Variants in LAPTM4B observed in about 807,000 individuals in gnomAD.
LAPTM4B encodes lysosomal protein transmembrane 4 beta.
In LAPTM4B, 26 loss-of-function variants were observed where a neutral mutation model predicts 28.5. That is an observed-to-expected ratio of 0.91 (90% CI 0.67 to 1.27). LAPTM4B has a LOEUF of 1.27. Among genes scored for constraint, LAPTM4B ranks in the 50% most tolerant of loss-of-function variants. LAPTM4B has a pLI of 0.00. For synonymous variants in LAPTM4B, 109 were observed against 106.4 expected (o/e 1.02, Z -0.15); for missense variants, 288 against 285.8 (o/e 1.01, Z -0.06).
At chr8:97,843,780 C>CAAATAAATAAAT (rs150370509) in intron 6 of LAPTM4B, among the ~76,000 whole-genome samples, 2,855 of 148,972 alleles carry the variant, frequency 0.019, 69 homozygotes, top group Admixed American at 0.053. Flanking sequence ...AACTCCATCT[C>CAAATAAATAAAT]AAATAAATAA....
At chr8:97,825,186 G>A (rs772808127) in intron 6 of LAPTM4B, 33 bp downstream of exon 6, 21 of 1,151,430 alleles carry the variant, frequency 1.8e-5, no homozygotes, top group Non-Finnish European at 2.8e-5. Flanking sequence ...TAGAGATCTC[G>A]CCCACACCTT....
At chr8:97,815,878 A>G (rs1046427120) in intron 3 of LAPTM4B, among the ~76,000 whole-genome samples, 180 bp from the exon 4 acceptor site, 4 of 152,172 alleles carry the variant, frequency 2.6e-5, no homozygotes, top group African/African-American at 9.6e-5. Context: ...AGTCCTGGAA[A>G]TGTTCACTGA....
At position 97,837,647 on chromosome 8, in the gene LAPTM4B, C is replaced by T. The variant is rs532089945; in HGVS notation, c.603+12494C>T. ...ACTAGGTTGGCTATTAATTTAGCAT[C>T]CTTTTCAGTCCTGTACGCACCAAAT... On this transcript the variant is annotated intron_variant, in intron 6 of 6. Coordinates refer to ENST00000521545, the MANE Select transcript of LAPTM4B (RefSeq NM_018407.6). Among the ~76,000 whole-genome samples the T allele has an allele frequency of 3.3e-5, 5 of 152,172 alleles. No individual in the cohort carries two copies. In the South Asian group the frequency reaches 6.2e-4, roughly 19 times the overall value.
At chr8:97,809,957 C>T (rs895308494) in intron 2 of LAPTM4B, among the ~76,000 whole-genome samples, 1 of 152,096 alleles carries the variant, frequency 6.6e-6, no homozygotes, top group African/African-American at 2.4e-5. Context: ...GGCTGGGTCC[C>T]ACTCTGTCAC....
intron 1 of LAPTM4B, among the ~76,000 whole-genome samples, chr8:97,785,210 C>G (rs760357011): frequency 6.6e-6 from 1 of 151,920 alleles, no homozygotes. Context: ...CTCAGCCTCC[C>G]GAGTACATGG....
chr8:97,784,992 A>C (rs1816378627), intron 1 of LAPTM4B, among the ~76,000 whole-genome samples: 1 of 152,214 alleles, frequency 6.6e-6, no homozygotes, highest in Non-Finnish European at 1.5e-5. Flanking sequence ...TTTAAAGTAC[A>C]GGTTTCCCCT....
chr8:97,814,957 G>T (rs1256708323), intron 2 of LAPTM4B, among the ~76,000 whole-genome samples: 3 of 152,160 alleles, frequency 2.0e-5, no homozygotes, highest in Non-Finnish European at 2.9e-5. Flanking sequence ...CTCCCAAAGT[G>T]TTGGGATTAT....
intron 1 of LAPTM4B, among the ~76,000 whole-genome samples, chr8:97,779,641 C>T (rs1427724178): frequency 1.3e-5 from 2 of 150,948 alleles, no homozygotes; most frequent in East Asian, 2.0e-4. Flanking sequence ...AAAAATTATT[C>T]GGTCGTGGTG....
chr8:97,849,674 A>G (rs1399217597), intron 6 of LAPTM4B, among the ~76,000 whole-genome samples: 1 of 152,196 alleles, frequency 6.6e-6, no homozygotes, highest in Non-Finnish European at 1.5e-5. Context: ...GGCTTCTTGC[A>G]TCACAGCTCC....
intron 2 of LAPTM4B, among the ~76,000 whole-genome samples, chr8:97,814,131 G>C (rs1313204530): frequency 6.6e-6 from 1 of 152,138 alleles, no homozygotes; most frequent in East Asian, 1.9e-4. Flanking sequence ...AATTGAAGCT[G>C]CAATGAGCCA....
intron 6 of LAPTM4B, among the ~76,000 whole-genome samples, chr8:97,830,732 A>T (rs1235221167): frequency 6.6e-6 from 1 of 152,080 alleles, no homozygotes; most frequent in Non-Finnish European, 1.5e-5. Flanking sequence ...TGCTGTAAAC[A>T]ACCTGGTAGG....
intron 4 of LAPTM4B, among the ~76,000 whole-genome samples, chr8:97,817,075 A>C (rs1816929606): frequency 6.6e-6 from 1 of 152,194 alleles, no homozygotes; most frequent in South Asian, 2.1e-4. Flanking sequence ...GTCCTTTGTG[A>C]CCATATGAGT....
chr8:97,813,083 A>G (rs1363675117), intron 2 of LAPTM4B, among the ~76,000 whole-genome samples: 1 of 152,224 alleles, frequency 6.6e-6, no homozygotes, highest in Non-Finnish European at 1.5e-5. Context: ...ATATTTAAGG[A>G]AGTTTATTAA....
intron 6 of LAPTM4B, among the ~76,000 whole-genome samples, chr8:97,838,530 G>A (rs913346239): frequency 2.6e-5 from 4 of 152,198 alleles, no homozygotes; most frequent in African/African-American, 9.6e-5. Flanking sequence ...AGGAAACTGA[G>A]GCACCAAGAG....
intron 2 of LAPTM4B, among the ~76,000 whole-genome samples, chr8:97,814,406 G>A (rs1308863970): frequency 6.6e-6 from 1 of 152,094 alleles, no homozygotes; most frequent in African/African-American, 2.4e-5. Flanking sequence ...CCTAGGGGGT[G>A]AGGTGGGAGA....
chr8:97,787,233 A>C (rs1049043173), intron 1 of LAPTM4B, among the ~76,000 whole-genome samples: 4 of 151,918 alleles, frequency 2.6e-5, no homozygotes, highest in Non-Finnish European at 4.4e-5. Context: ...CATCCCAGTA[A>C]CCAAAAACAA....
chr8:97,775,942 G>C lies in LAPTM4B; in HGVS notation c.-68G>C. 6.7e-7 allele frequency: 1 copy of C among 1,482,864 alleles called. No individual in the cohort carries two copies. Among genetic ancestry groups the C allele is most frequent in the Non-Finnish European group, 8.9e-7 (1 of 1,125,824 alleles). 91.9% of individuals were successfully genotyped at this position (1,482,864 alleles called of 1,614,324 possible). On this transcript the variant is annotated 5_prime_UTR_variant, in exon 1 of 7. Coordinates refer to ENST00000521545, the MANE Select transcript of LAPTM4B (RefSeq NM_018407.6). The stretch of plus-strand genomic sequence containing the variant: ...AGGAGCCGGCAGCAGCGGCGCGGCG[G>C]GCTCCAGGCGAGGCGGTCGACGCTC...
intron 1 of LAPTM4B, among the ~76,000 whole-genome samples, chr8:97,777,626 A>G (rs547087891): frequency 1.8e-4 from 28 of 152,164 alleles, no homozygotes; most frequent in Non-Finnish European, 4.1e-4. Context: ...TATAGTTTCA[A>G]GTTTCCTTTA....
At chr8:97,785,285 C>T (rs1214804332) in intron 1 of LAPTM4B, among the ~76,000 whole-genome samples, 2 of 152,070 alleles carry the variant, frequency 1.3e-5, no homozygotes, top group African/African-American at 4.8e-5. Context: ...CCATGTTGAC[C>T]AGGCTGGTCT....
Sources: allele counts gnomAD v4.1 joint callset (sites outside exome capture counted in the v4.1 genomes callset), GRCh38; gene constraint gnomAD v4.1.1; transcripts MANE v1.5; gene names NCBI Gene and HGNC (gene_info 2026-07-23, HGNC 2026-07-21).